Variants in ENKUR observed in about 807,000 individuals in gnomAD.
ENKUR encodes the protein enkurin, TRPC channel interacting protein, also known as enkurin.
In ENKUR, 19 loss-of-function variants were observed where a neutral mutation model predicts 27.6. That is an observed-to-expected ratio of 0.69 (90% confidence interval 0.48 to 1.01). The LOEUF (loss-of-function observed/expected upper bound fraction) is 1.01, where lower values mean the gene tolerates loss of function less well. Among genes scored for constraint, ENKUR ranks in the 50% least tolerant of loss-of-function variants. The pLI, the probability that ENKUR is intolerant of heterozygous loss-of-function variation, is 0.00. For missense variants in ENKUR, 312 were observed against 310.5 expected (o/e 1.00, Z -0.04); for synonymous variants, 117 against 96.9 (o/e 1.21, Z -1.22).
At chr10:24,995,496 A>G in intron 3 of ENKUR, 150 bp downstream of exon 3, 2 of 681,722 alleles carry the variant, frequency 2.9e-6, no homozygotes, top group South Asian at 2.4e-5. Flanking sequence ...TTACATTTGG[A>G]CCAAACACAG....
chr10:25,053,149 A>G (rs4237369), intron 2 of ENKUR, among the ~76,000 whole-genome samples: 48,170 of 151,378 alleles, frequency 0.32, 7,888 homozygotes, highest in East Asian at 0.46. Flanking sequence ...ACCTTTTTTC[A>G]TTTTTTAAAT....
chr10:24,986,644 A>C (rs1158534909), intron 4 of ENKUR, among the ~76,000 whole-genome samples: 1 of 152,196 alleles, frequency 6.6e-6, no homozygotes, highest in African/African-American at 2.4e-5. Flanking sequence ...TATTACTTGC[A>C]GTCACAGCAG....
chr10:25,005,858 T>A (rs1188922325), intron 1 of ENKUR, among the ~76,000 whole-genome samples: 4 of 152,144 alleles, frequency 2.6e-5, no homozygotes, highest in Admixed American at 2.6e-4. Context: ...AGCTGTTGAG[T>A]GAAATAATAT....
chr10:24,985,951 C>G (rs568661187), intron 4 of ENKUR, among the ~76,000 whole-genome samples: 1 of 152,164 alleles, frequency 6.6e-6, no homozygotes, highest in Non-Finnish European at 1.5e-5. Flanking sequence ...GCCTGTAGTC[C>G]CAGCTACCTG....
At chr10:25,041,906 A>G (rs916314962) in intron 2 of ENKUR, among the ~76,000 whole-genome samples, 3 of 152,222 alleles carry the variant, frequency 2.0e-5, no homozygotes, top group Non-Finnish European at 4.4e-5. Context: ...CAAAAAATGC[A>G]TGACAAACTA....
chr10:25,055,887 A>G (rs1000177235), intron 2 of ENKUR, among the ~76,000 whole-genome samples: 6 of 152,176 alleles, frequency 3.9e-5, no homozygotes, highest in African/African-American at 9.7e-5. Context: ...CCAGCCTGCC[A>G]GGTATGAAGA....
At chr10:25,052,733 A>G (rs1424669709) in intron 2 of ENKUR, among the ~76,000 whole-genome samples, 1 of 152,126 alleles carries the variant, frequency 6.6e-6, no homozygotes, top group African/African-American at 2.4e-5. Flanking sequence ...TGATCACACC[A>G]CTGCACTCCA....
In ENKUR at chr10:25,025,066, G is replaced by T. The variant is rs778067840; in HGVS notation, c.38-29197C>A. The T allele has an allele frequency of 3.7e-6, 6 of 1,614,190 alleles. No homozygotes were observed. The East Asian group carries it at 1.3e-4, about 36-fold the overall frequency. ...AGTTGAGAAACTTCAGCAGGATTTT[G>T]TAGCTGACTGGTGCTCTGAGGGAGA... is the stretch of plus-strand genomic sequence containing the variant. On this transcript the variant is annotated intron_variant, in intron 2 of 5. Coordinates refer to the ENKUR transcript ENST00000615958.
At chr10:24,984,407 C>A in intron 5 of ENKUR, 31 bp from the exon 6 acceptor site, 1 of 1,546,278 alleles carries the variant, frequency 6.5e-7, no homozygotes. Context: ...AAGTGAAGTT[C>A]TGAGTGCTGA....
At chr10:25,028,614 T>G (rs1261627037) in intron 2 of ENKUR, among the ~76,000 whole-genome samples, 1 of 152,210 alleles carries the variant, frequency 6.6e-6, no homozygotes, top group Non-Finnish European at 1.5e-5. Flanking sequence ...TCCACCTTTT[T>G]CCCATCTGTG....
chr10:25,054,900 C>A (rs1054685789), intron 2 of ENKUR, among the ~76,000 whole-genome samples: 1 of 152,048 alleles, frequency 6.6e-6, no homozygotes, highest in African/African-American at 2.4e-5. Context: ...ATCTCGAACT[C>A]CTGAGCTCAA....
chr10:25,037,803 C>T (rs1851024173), intron 2 of ENKUR, among the ~76,000 whole-genome samples: 1 of 152,172 alleles, frequency 6.6e-6, no homozygotes. Flanking sequence ...TGAGCAGCTG[C>T]CATCCCTGTT....
chr10:25,042,429 G>A (rs1010368675), intron 2 of ENKUR, among the ~76,000 whole-genome samples: 3 of 151,896 alleles, frequency 2.0e-5, no homozygotes, highest in African/African-American at 4.8e-5. Context: ...CGAGTAGCTG[G>A]GATTACAGGC....
chr10:25,007,856 C>T (rs1424566053), intron 1 of ENKUR, among the ~76,000 whole-genome samples: 2 of 152,008 alleles, frequency 1.3e-5, no homozygotes, highest in Non-Finnish European at 2.9e-5. Context: ...TCCCCTCACC[C>T]ATATGCCTGA....
chr10:25,042,179 T>A (rs893741429), intron 2 of ENKUR, among the ~76,000 whole-genome samples: 25 of 151,832 alleles, frequency 1.6e-4, no homozygotes, highest in Non-Finnish European at 3.5e-4. Context: ...CTGAAAAAAA[T>A]TATTTTATGT....
intron 1 of ENKUR, among the ~76,000 whole-genome samples, chr10:25,007,227 C>T (rs1333839753): frequency 6.6e-6 from 1 of 152,048 alleles, no homozygotes; most frequent in Admixed American, 6.6e-5. Flanking sequence ...GATATTAAAC[C>T]TTGTTCTGTA....
intron 2 of ENKUR, among the ~76,000 whole-genome samples, chr10:25,031,294 A>G (rs6482467): frequency 0.52 from 78,287 of 152,002 alleles, 22,881 homozygotes; most frequent in African/African-American, 0.81. Flanking sequence ...GGATTTCAAG[A>G]CCAGGCCATA....
chr10:25,060,356 C>T (rs1197893849), intron 2 of ENKUR, among the ~76,000 whole-genome samples: 3 of 152,172 alleles, frequency 2.0e-5, no homozygotes, highest in Non-Finnish European at 4.4e-5. Context: ...CAAAGAATAC[C>T]ATGACCAGAA....
intron 4 of ENKUR, among the ~76,000 whole-genome samples, chr10:24,985,326 C>T (rs1018485939): frequency 6.6e-6 from 1 of 152,182 alleles, no homozygotes; most frequent in Admixed American, 6.5e-5. Flanking sequence ...CATTCTTCAA[C>T]AGACAAATCA....
Sources: allele counts gnomAD v4.1 joint callset (sites outside exome capture counted in the v4.1 genomes callset), GRCh38; gene constraint gnomAD v4.1.1; transcripts MANE v1.5; gene names NCBI Gene and HGNC (gene_info 2026-07-23, HGNC 2026-07-21).